SLC24A3: variants seen among roughly 807,000 people sequenced by gnomAD.
SLC24A3 encodes sodium/potassium/calcium exchanger 3.
SLC24A3 carries 28 observed loss-of-function variants against 75.8 expected under a neutral mutation model. That is an observed-to-expected ratio of 0.37 (90% CI 0.27 to 0.51). The LOEUF is 0.51. Ranked by LOEUF, SLC24A3 falls within the 20% of genes least tolerant of loss-of-function variation. The pLI, the probability that SLC24A3 is intolerant of heterozygous loss-of-function variation, is 0.94. For missense variants in SLC24A3, 663 were observed against 847.8 expected (o/e 0.78, Z 2.71); for synonymous variants, 372 against 334.1 (o/e 1.11, Z -1.24).
chr20:19,263,397 C>T (rs1459910098), intron 1 of SLC24A3, among the ~76,000 whole-genome samples: 2 of 152,144 alleles, frequency 1.3e-5, no homozygotes, highest in African/African-American at 2.4e-5. Flanking sequence ...GAAGTCTGCA[C>T]TTAGATACCA....
At chr20:19,346,667 A>G (rs1421114990) in intron 2 of SLC24A3, among the ~76,000 whole-genome samples, 1 of 152,114 alleles carries the variant, frequency 6.6e-6, no homozygotes, top group African/African-American at 2.4e-5. Flanking sequence ...TAAGAATGAT[A>G]CATTGGACTT....
rs897864572 is a variant in SLC24A3, at chr20:19,313,140, G to A, written c.271+32053G>A. Among the ~76,000 whole-genome samples, 6 of 140,486 alleles carry A rather than the reference G, an allele frequency of 4.3e-5. No individual in the cohort carries two copies. The East Asian group carries it at 1.2e-3, about 29-fold the overall frequency. 92.2% of individuals were successfully genotyped at this position (140,486 alleles called of 152,430 possible). ...CAAACTCTGCTTCCCAGGTTCAAGC[G>A]ATTCTTCCCCCTCAGACTCCCGAGT... On this transcript the variant is annotated intron_variant, in intron 2 of 16. Transcript: ENST00000328041.
At chr20:19,545,422 C>T (rs6081636) in intron 3 of SLC24A3, among the ~76,000 whole-genome samples, 31,264 of 152,166 alleles carry the variant, frequency 0.21, 3,572 homozygotes, top group Middle Eastern at 0.25. Flanking sequence ...AGAGCTGCTC[C>T]GTGTATGCAG....
chr20:19,613,124 C>CA (rs140582963), intron 6 of SLC24A3, among the ~76,000 whole-genome samples: 2,163 of 152,348 alleles, frequency 0.014, 29 homozygotes, highest in Non-Finnish European at 0.021. Context: ...CACACGTCCC[C>CA]ACCCAGAACC....
intron 6 of SLC24A3, among the ~76,000 whole-genome samples, chr20:19,650,690 G>C (rs1357564449): frequency 6.6e-6 from 1 of 151,764 alleles, no homozygotes; most frequent in Non-Finnish European, 1.5e-5. Flanking sequence ...TTATAAGTTT[G>C]GTTAGACAAT....
At chr20:19,606,512 A>G (rs2031599538) in intron 6 of SLC24A3, among the ~76,000 whole-genome samples, 1 of 152,198 alleles carries the variant, frequency 6.6e-6, no homozygotes, top group East Asian at 1.9e-4. Context: ...ACCTCTCACT[A>G]AATTTGAATC....
intron 3 of SLC24A3, among the ~76,000 whole-genome samples, chr20:19,547,723 G>T (rs1234592948): frequency 6.6e-6 from 1 of 152,200 alleles, no homozygotes; most frequent in African/African-American, 2.4e-5. Context: ...CCCTTGCCCT[G>T]AGCCCAGCTC....
chr20:19,657,858 C>T (rs1216348360), intron 7 of SLC24A3, among the ~76,000 whole-genome samples: 1 of 152,152 alleles, frequency 6.6e-6, no homozygotes, highest in Non-Finnish European at 1.5e-5. Context: ...CTTCTGATTT[C>T]CCTTAGGTAA....
chr20:19,221,499 C>G (rs1479565700), intron 1 of SLC24A3, among the ~76,000 whole-genome samples: 1 of 152,150 alleles, frequency 6.6e-6, no homozygotes, highest in East Asian at 1.9e-4. Flanking sequence ...GTCACAGCCT[C>G]CAGGTGCCTC....
chr20:19,689,997 C>T (rs746597545), intron 12 of SLC24A3, among the ~76,000 whole-genome samples: 13 of 130,870 alleles, frequency 9.9e-5, no homozygotes, highest in Non-Finnish European at 3.1e-5. Context: ...CACCACTGCA[C>T]TCCAGCCTGG....
rs533649481 is a variant in SLC24A3, at chr20:19,504,793, A to T, written c.272-10695A>T. Among the ~76,000 whole-genome samples, 33 of 152,374 alleles carry T rather than the reference A, an allele frequency of 2.2e-4. No individual in the cohort carries two copies. The South Asian group carries it at 4.3e-3, about 20-fold the overall frequency. On this transcript the variant is annotated intron_variant, in intron 2 of 16. Coordinates refer to ENST00000328041, the MANE Select transcript of SLC24A3 (RefSeq NM_020689.4). ...ACACCACAGGGAATTTACCATAAAT[A>T]TGTCACTTTCTTTAATGAGAATTCA...
chr20:19,588,963 G>A (rs1056515998), intron 6 of SLC24A3, among the ~76,000 whole-genome samples: 2 of 152,222 alleles, frequency 1.3e-5, no homozygotes, highest in African/African-American at 4.8e-5. Flanking sequence ...TGCTTAAAAT[G>A]TGCCTGATGT....
intron 1 of SLC24A3, among the ~76,000 whole-genome samples, chr20:19,223,724 TGATGTGA>T (rs1981793499): frequency 6.6e-6 from 1 of 152,178 alleles, no homozygotes; most frequent in Non-Finnish European, 1.5e-5. Context: ...CTTCTGGTGA[TGATGTGA>T]GATGATACAG....
chr20:19,423,392 T>C (rs1478227126), intron 2 of SLC24A3, among the ~76,000 whole-genome samples: 1 of 152,180 alleles, frequency 6.6e-6, no homozygotes, highest in Non-Finnish European at 1.5e-5. Flanking sequence ...CTGAAAAAGA[T>C]GGCTGTGGTA....
intron 2 of SLC24A3, among the ~76,000 whole-genome samples, chr20:19,298,230 G>A (rs1033347425): frequency 2.0e-5 from 3 of 152,330 alleles, no homozygotes; most frequent in African/African-American, 4.8e-5. Context: ...GCATGAACAC[G>A]GGAGTTGCAT....
At chr20:19,278,986 A>T (rs1474106175) in intron 1 of SLC24A3, among the ~76,000 whole-genome samples, 1 of 152,202 alleles carries the variant, frequency 6.6e-6, no homozygotes, top group African/African-American at 2.4e-5. Context: ...TCCACCTAAA[A>T]AGTGGGACTA....
chr20:19,294,114 G>A (rs553735597), intron 2 of SLC24A3, among the ~76,000 whole-genome samples: 11 of 152,098 alleles, frequency 7.2e-5, no homozygotes, highest in Non-Finnish European at 1.5e-4. Context: ...TACTTGAGAC[G>A]TGGCAAATTT....
At chr20:19,306,127 T>C (rs1166700237) in intron 2 of SLC24A3, among the ~76,000 whole-genome samples, 1 of 152,162 alleles carries the variant, frequency 6.6e-6, no homozygotes, top group South Asian at 2.1e-4. Flanking sequence ...GAAAAAGTGT[T>C]CAACATCACT....
In SLC24A3 at chr20:19,585,148, A is replaced by G. The variant is rs147906198; in HGVS notation, c.508+93A>G. ...GGCCCCCAGACCGAGATTGTCTGCC[A>G]CTCATAGAAAATGATAATCCAGGGA... On this transcript the variant is annotated intron_variant, in intron 5 of 16. Coordinates refer to ENST00000328041, the MANE Select transcript of SLC24A3 (RefSeq NM_020689.4). The G allele has an allele frequency of 1.6e-4, 185 of 1,143,528 alleles. 2 individuals are homozygous for G. In the African/African-American group the frequency reaches 2.2e-3, roughly 13 times the overall value. 70.8% of individuals were successfully genotyped at this position (1,143,528 alleles called of 1,614,324 possible).
Sources: gnomAD v4.1 joint callset for allele counts (sites outside exome capture counted in the v4.1 genomes callset) on GRCh38, gnomAD v4.1.1 for gene constraint, MANE v1.5 for transcripts, NCBI Gene and HGNC (gene_info 2026-07-23, HGNC 2026-07-21) for gene names.